The following CAPN9 variants were observed in gnomAD, a reference collection of about 807,000 sequenced individuals.
CAPN9 encodes the protein calpain-9.
CAPN9 carries 81 observed loss-of-function variants against 92.8 expected under a neutral mutation model. The ratio of observed to expected loss-of-function variants is 0.87; its 90% CI spans 0.73 to 1.05. The LOEUF (loss-of-function observed/expected upper bound fraction) is 1.05, where lower values mean the gene tolerates loss of function less well. Ranked by LOEUF, CAPN9 falls within the 50% of genes least tolerant of loss-of-function variation. The pLI is 0.00. For synonymous variants in CAPN9, 304 were observed against 328.0 expected (o/e 0.93, Z 0.79); for missense variants, 848 against 866.2 (o/e 0.98, Z 0.26).
chr1:230,800,224 AAAGAAAG>A lies in CAPN9; in HGVS notation c.2047-1336_2047-1330del, dbSNP rs1351795905. 3.1e-4 allele frequency among the ~76,000 whole-genome samples: 16 copies of A among 51,998 alleles called. 1 individual carries two copies. Among genetic ancestry groups the A allele is most frequent in the South Asian group, 1.2e-3 (2 of 1,654 alleles). The allele number at this position is 51,998 out of a possible 152,430, so 34.1% of individuals were successfully genotyped here. A position where few individuals can be genotyped will look rare whatever the true frequency, so the allele number is the denominator to read the frequency against. ...AAGAAAGAAAAGAAAGAAAAATAAG[AAAGAAAG>A]AAGAAAGAAAGAAAGAAAGAAAGAA... On this transcript the variant is annotated intron_variant, in intron 19 of 19. Transcript: ENST00000271971.
intron 13 of CAPN9, 141 bp from the exon 14 acceptor site, chr1:230,789,991 T>C (rs1667869927): frequency 3.3e-6 from 2 of 615,140 alleles, no homozygotes; most frequent in Admixed American, 5.7e-5. Context: ...ACACAGGAGA[T>C]AGGTACATCT....
In CAPN9 at chr1:230,801,884, T is replaced by A. The variant is rs1668742968; in HGVS notation, c.*288T>A. On this transcript the variant is annotated 3_prime_UTR_variant, in exon 20 of 20. Transcript: ENST00000271971. ...CTTTCCCACACTCTACTTTCCTTAT[T>A]TCCTTCCATTAAGAATTACTCAGAG... 1 of 468,068 alleles carries A rather than the reference T, an allele frequency of 2.1e-6. No homozygotes were observed. Among genetic ancestry groups the A allele is most frequent in the Non-Finnish European group, 3.8e-6 (1 of 261,184 alleles). The allele number at this position is 468,068 out of a possible 1,614,324, so 29.0% of individuals were successfully genotyped here.
intron 13 of CAPN9, among the ~76,000 whole-genome samples, 194 bp from the exon 14 acceptor site, chr1:230,789,938 A>G (rs1667866874): frequency 6.6e-6 from 1 of 152,176 alleles, no homozygotes; most frequent in Admixed American, 6.5e-5. Context: ...TTGGGCTGGC[A>G]TGTCCCTAAA....
At chr1:230,796,785 A>C (rs957068612) in intron 18 of CAPN9, among the ~76,000 whole-genome samples, 1 of 152,150 alleles carries the variant, frequency 6.6e-6, no homozygotes, top group Non-Finnish European at 1.5e-5. Context: ...TTCCCTTTCT[A>C]AACCACCCAG....
chr1:230,795,482 T>C, intron 18 of CAPN9: 3 of 513,642 alleles, frequency 5.8e-6, no homozygotes, highest in Non-Finnish European at 1.1e-5. Context: ...TTTCTTAGCA[T>C]CGCCTTTCTT....
chr1:230,801,809 G>T lies in CAPN9; in HGVS notation c.*213G>T. 3 of 585,440 alleles carry T rather than the reference G, an allele frequency of 5.1e-6. No homozygotes were observed. The highest frequency in any genetic ancestry group is 9.2e-6 in the Non-Finnish European group (3 of 326,938). 36.3% of individuals were successfully genotyped at this position (585,440 alleles called of 1,614,324 possible). A position where few individuals can be genotyped will look rare whatever the true frequency, so the allele number is the denominator to read the frequency against. ...TCCTTTGTAAAGTCACTGCCTTAAG[G>T]GGGCTGATGGCGCCACCTGTGCCTT... On this transcript the variant is annotated 3_prime_UTR_variant, in exon 20 of 20. Transcript: ENST00000271971.
chr1:230,798,679 G>A (rs575929027), intron 19 of CAPN9, among the ~76,000 whole-genome samples: 1 of 152,302 alleles, frequency 6.6e-6, no homozygotes, highest in South Asian at 2.1e-4. Context: ...TAGCAATGAC[G>A]GGGGTGGGAG....
chr1:230,789,712 T>A (rs1558114738), intron 13 of CAPN9, among the ~76,000 whole-genome samples: 1 of 152,188 alleles, frequency 6.6e-6, no homozygotes. Flanking sequence ...GATGCGGGAC[T>A]ATTTTAAAGC....
intron 11 of CAPN9, among the ~76,000 whole-genome samples, chr1:230,783,292 C>T (rs1005818043): frequency 6.6e-6 from 1 of 152,192 alleles, no homozygotes; most frequent in African/African-American, 2.4e-5. Flanking sequence ...CTTTTAGTTT[C>T]ATAAATCCAG....
Position 230,747,524 on chromosome 1 carries a change from C to T in CAPN9, c.28C>T (p.Pro10Ser). 1.2e-6 allele frequency: 2 copies of T among 1,614,146 alleles called. No individual in the cohort carries two copies. The highest frequency in any genetic ancestry group is 1.7e-6 in the Non-Finnish European group (2 of 1,180,046). The change falls in exon 1 of 20, where the codon CCT becomes TCT. Residue 10 changes from proline (P) to serine (S), a missense_variant. Transcript: ENST00000271971. Reference protein sequence around the residue: MPYLYRAPGPQAHPVPKDAR... With the variant: MPYLYRAPGSQAHPVPKDAR... ...GCCTTACCTCTACCGGGCCCCAGGG[C>T]CTCAGGCACACCCGGTTCCCAAGGA...
chr1:230,786,144 T>G, intron 12 of CAPN9, 127 bp downstream of exon 12: 3 of 1,580,058 alleles, frequency 1.9e-6, no homozygotes, highest in Non-Finnish European at 2.6e-6. Flanking sequence ...AGTAAGCATC[T>G]ATGATTCTAA....
intron 6 of CAPN9, among the ~76,000 whole-genome samples, chr1:230,771,282 C>T (rs183775613): frequency 4.6e-5 from 7 of 152,366 alleles, no homozygotes; most frequent in Non-Finnish European, 8.8e-5. Flanking sequence ...ATAAAACATT[C>T]TGACTGCTAC....
chr1:230,797,068 C>T (rs2102941561), intron 18 of CAPN9, among the ~76,000 whole-genome samples: 1 of 152,308 alleles, frequency 6.6e-6, no homozygotes, highest in Non-Finnish European at 1.5e-5. Flanking sequence ...CTTCGCTGTA[C>T]ATTACAATCT....
intron 1 of CAPN9, among the ~76,000 whole-genome samples, chr1:230,748,442 T>C (rs561689529): frequency 2.6e-5 from 4 of 152,268 alleles, no homozygotes; most frequent in African/African-American, 9.6e-5. Flanking sequence ...GAGTGGCTCC[T>C]GTGGGGTCCG....
At chr1:230,764,956 T>C (rs1665877870) in intron 4 of CAPN9, among the ~76,000 whole-genome samples, 1 of 152,176 alleles carries the variant, frequency 6.6e-6, no homozygotes, top group Admixed American at 6.5e-5. Flanking sequence ...ATCATACACA[T>C]ATGTATTTCC....
intron 1 of CAPN9, among the ~76,000 whole-genome samples, chr1:230,751,684 AAGG>A (rs1458446527): frequency 9.4e-5 from 14 of 148,218 alleles, no homozygotes; most frequent in East Asian, 2.0e-4. Context: ...AGAAAGAAAG[AAGG>A]GTGGCTTTTC....
intron 19 of CAPN9, among the ~76,000 whole-genome samples, chr1:230,800,303 A>AAAGG (rs879605365): frequency 5.8e-5 from 4 of 69,182 alleles, no homozygotes; most frequent in Non-Finnish European, 9.3e-5. Context: ...AGAAAGAAAG[A>AAAGG]AAGGAAAAAC....
intron 7 of CAPN9, 57 bp downstream of exon 7, chr1:230,772,156 T>C: frequency 6.9e-7 from 1 of 1,455,160 alleles, no homozygotes; most frequent in Non-Finnish European, 9.7e-7. Context: ...GGGCCAGAGC[T>C]GGCTTGTGCA....
chr1:230,765,023 C>G (rs184693683), intron 4 of CAPN9, among the ~76,000 whole-genome samples: 1 of 152,212 alleles, frequency 6.6e-6, no homozygotes, highest in East Asian at 1.9e-4. Context: ...AACAAGCACA[C>G]CTATGTCTCA....
Sources: allele counts gnomAD v4.1 joint callset (sites outside exome capture counted in the v4.1 genomes callset), GRCh38; gene constraint gnomAD v4.1.1; transcripts MANE v1.5; gene names NCBI Gene and HGNC (gene_info 2026-07-23, HGNC 2026-07-21).